The following GNAQ variants were observed in gnomAD, a reference collection of about 807,000 sequenced individuals.
GNAQ encodes G protein subunit alpha q.
In GNAQ, 8 loss-of-function variants were observed where a neutral mutation model predicts 43.9. That is an observed-to-expected ratio of 0.18 (90% CI 0.11 to 0.33). The LOEUF is 0.33. GNAQ is among the 10% of genes least tolerant of loss of function. The pLI, the probability that GNAQ is intolerant of heterozygous loss-of-function variation, is 1.00. For synonymous variants in GNAQ, 155 were observed against 170.7 expected (o/e 0.91, Z 0.71); for missense variants, 158 against 450.8 (o/e 0.35, Z 5.88).
intron 5 of GNAQ, among the ~76,000 whole-genome samples, chr9:77,736,623 G>A (rs374359174): frequency 1.3e-5 from 2 of 152,072 alleles, no homozygotes; most frequent in South Asian, 2.1e-4. Context: ...GCAATAAGTC[G>A]CGGTCACATG....
intron 1 of GNAQ, among the ~76,000 whole-genome samples, chr9:78,003,462 C>T (rs1030383545): frequency 6.6e-6 from 1 of 152,100 alleles, no homozygotes; most frequent in Admixed American, 6.5e-5. Flanking sequence ...TCAGAGATGA[C>T]GAACCAGGAA....
chr9:77,758,392 GA>G (rs1825936827), intron 5 of GNAQ, among the ~76,000 whole-genome samples: 1 of 152,076 alleles, frequency 6.6e-6, no homozygotes. Flanking sequence ...ATAATACACT[GA>G]CACAGTATTA....
At chr9:77,751,687 C>T (rs577062247) in intron 5 of GNAQ, among the ~76,000 whole-genome samples, 1 of 152,270 alleles carries the variant, frequency 6.6e-6, no homozygotes, top group African/African-American at 2.4e-5. Flanking sequence ...GTCAACAGCT[C>T]TTTATTCTCC....
chr9:77,956,272 T>C (rs1319741319), intron 1 of GNAQ, among the ~76,000 whole-genome samples: 2 of 152,186 alleles, frequency 1.3e-5, no homozygotes, highest in South Asian at 2.1e-4. Flanking sequence ...CCGAAATGTA[T>C]AGGCCCTAAA....
intron 2 of GNAQ, among the ~76,000 whole-genome samples, chr9:77,897,085 C>T (rs908928151): frequency 6.6e-6 from 1 of 152,200 alleles, no homozygotes; most frequent in Non-Finnish European, 1.5e-5. Context: ...CGCCCCTTTG[C>T]CCCATTACAA....
At chr9:77,972,756 C>A (rs2118465425) in intron 1 of GNAQ, among the ~76,000 whole-genome samples, 1 of 152,022 alleles carries the variant, frequency 6.6e-6, no homozygotes, top group Non-Finnish European at 1.5e-5. Flanking sequence ...AGTTCGAGAC[C>A]AGCCTGGCCA....
intron 5 of GNAQ, among the ~76,000 whole-genome samples, chr9:77,759,111 C>T (rs955132414): frequency 8.5e-5 from 13 of 152,100 alleles, no homozygotes; most frequent in African/African-American, 4.8e-5. Flanking sequence ...TCTGTAGATT[C>T]ATGTGAAAAG....
At chr9:77,960,112 G>A (rs1823089643) in intron 1 of GNAQ, among the ~76,000 whole-genome samples, 2 of 152,036 alleles carry the variant, frequency 1.3e-5, no homozygotes, top group African/African-American at 4.8e-5. Flanking sequence ...TAAGGGTAAG[G>A]GAACTTTAAT....
At position 77,816,408 on chromosome 9, in the gene GNAQ, C is replaced by T. The variant is rs113504102; in HGVS notation, c.322-638G>A. 5.7e-3 allele frequency among the ~76,000 whole-genome samples: 863 copies of T among 152,196 alleles called. 1 individual carries two copies. Among genetic ancestry groups the T allele is most frequent in the African/African-American group, 0.02 (813 of 41,510 alleles). The stretch of plus-strand genomic sequence containing the variant: ...CTTATCTATATTACCAGATTGAGTA[C>T]GCCCTATTCAATTTTTTAACAATGT... On this transcript the variant is annotated intron_variant, in intron 2 of 6. Coordinates refer to ENST00000286548, the MANE Select transcript of GNAQ (RefSeq NM_002072.5).
intron 2 of GNAQ, among the ~76,000 whole-genome samples, chr9:77,920,986 T>C (rs7019656): frequency 0.95 from 144,199 of 152,324 alleles, 68,316 homozygotes; most frequent in East Asian, 1. Context: ...CACTGGACAT[T>C]GCAACTTCTT....
chr9:77,889,581 G>A (rs1828368797), intron 2 of GNAQ, among the ~76,000 whole-genome samples: 1 of 151,878 alleles, frequency 6.6e-6, no homozygotes, highest in Non-Finnish European at 1.5e-5. Context: ...AATGCTTATT[G>A]GACACATGTT....
At chr9:77,954,760 G>A (rs1823021833) in intron 1 of GNAQ, among the ~76,000 whole-genome samples, 1 of 152,176 alleles carries the variant, frequency 6.6e-6, no homozygotes, top group East Asian at 1.9e-4. Context: ...CACCCACAGA[G>A]CTGGCTAATG....
At chr9:77,858,693 CTT>C (rs1336181709) in intron 2 of GNAQ, among the ~76,000 whole-genome samples, 2 of 151,738 alleles carry the variant, frequency 1.3e-5, no homozygotes, top group Non-Finnish European at 2.9e-5. Flanking sequence ...CTGCTTGGCT[CTT>C]TCTTTCCTTT....
intron 1 of GNAQ, among the ~76,000 whole-genome samples, chr9:77,964,648 A>T (rs1381382785): frequency 1.3e-5 from 2 of 150,094 alleles, no homozygotes; most frequent in African/African-American, 4.9e-5. Context: ...ATCTCCAAAT[A>T]TCTGCAAACT....
intron 2 of GNAQ, among the ~76,000 whole-genome samples, chr9:77,904,506 A>G (rs1317444352): frequency 1.5e-4 from 22 of 151,240 alleles, no homozygotes; most frequent in Admixed American, 1.5e-3. Context: ...CTACTTTTTT[A>G]TATTTTTAGT....
chr9:77,911,352 AGTGT>A (rs1828799489), intron 2 of GNAQ, among the ~76,000 whole-genome samples: 2 of 152,148 alleles, frequency 1.3e-5, no homozygotes, highest in Admixed American at 1.3e-4. Flanking sequence ...GGCATACATG[AGTGT>A]GTGTATACGT....
chr9:77,733,296 A>C (rs924256744), intron 5 of GNAQ, among the ~76,000 whole-genome samples: 1 of 152,166 alleles, frequency 6.6e-6, no homozygotes, highest in Admixed American at 6.5e-5. Context: ...TCAATTCTCA[A>C]GATCTCCGAT....
Position 77,719,392 on chromosome 9 carries a change from C to T in GNAQ, c.*1931G>A. ...AGCATTTGTAATTGCACTATACCTA[C>T]AGGCAGTCTGTTTGTTAAATTACAG... On this transcript the variant is annotated 3_prime_UTR_variant, in exon 7 of 7. Transcript: ENST00000286548. 4.3e-6 allele frequency: 1 copy of T among 232,578 alleles called. No homozygotes were observed. Among genetic ancestry groups the T allele is most frequent in the Non-Finnish European group, 8.5e-6 (1 of 117,692 alleles). The allele number at this position is 232,578 out of a possible 1,614,324, so 14.4% of individuals were successfully genotyped here. A position where few individuals can be genotyped will look rare whatever the true frequency, so the allele number is the denominator to read the frequency against.
intron 5 of GNAQ, among the ~76,000 whole-genome samples, chr9:77,765,971 T>C (rs1826129698): frequency 6.6e-6 from 1 of 152,178 alleles, no homozygotes; most frequent in Non-Finnish European, 1.5e-5. Context: ...CTAAGTAAAA[T>C]AAGCCAGTCA....
Sources: gnomAD v4.1 joint callset for allele counts (sites outside exome capture counted in the v4.1 genomes callset) on GRCh38, gnomAD v4.1.1 for gene constraint, MANE v1.5 for transcripts, NCBI Gene and HGNC (gene_info 2026-07-23, HGNC 2026-07-21) for gene names.